DAAM2: variants seen among roughly 807,000 people sequenced by gnomAD.
The protein encoded by DAAM2 is disheveled-associated activator of morphogenesis 2.
In DAAM2, 39 loss-of-function variants were observed where a neutral mutation model predicts 120.7. That is an observed-to-expected ratio of 0.32 (90% confidence interval 0.25 to 0.42). The LOEUF (loss-of-function observed/expected upper bound fraction) is 0.42, where lower values mean the gene tolerates loss of function less well. Among genes scored for constraint, DAAM2 ranks in the 10% least tolerant of loss-of-function variants. The pLI, the probability that DAAM2 is intolerant of heterozygous loss-of-function variation, is 1.00. For missense variants in DAAM2, 1,283 were observed against 1,401.7 expected (o/e 0.92, Z 1.35); for synonymous variants, 488 against 524.9 (o/e 0.93, Z 0.96).
Position 39,896,963 on chromosome 6 carries a change from C to A in DAAM2, c.2493C>A (p.Thr831=). ...CCAGCCTCAACAAGATCGCTGACAC[C>A]AAGTCCAGCATCGACAGGTGAGGAC... The part of the protein sequence containing the change: ...RVASLNKIAD[T]KSSIDRNISL... The change falls in exon 20 of 25, where the codon ACC becomes ACA. Residue 831 remains threonine (T), a synonymous_variant. Coordinates refer to ENST00000274867, the MANE Select transcript of DAAM2 (RefSeq NM_001201427.2). The A allele has an allele frequency of 2.5e-6, 4 of 1,610,336 alleles. No individual in the cohort carries two copies. Among genetic ancestry groups the A allele is most frequent in the Non-Finnish European group, 2.5e-6 (3 of 1,178,128 alleles).
Position 39,878,482 on chromosome 6 carries a change from T to A in DAAM2, c.1439T>A (p.Met480Lys). 1 of 1,610,826 alleles carries A rather than the reference T, an allele frequency of 6.2e-7. No individual in the cohort carries two copies. The highest frequency in any genetic ancestry group is 8.5e-7 in the Non-Finnish European group (1 of 1,178,472). The part of the protein sequence containing the change: ...ETKTLEKEEM[M>K]RTLNKMKDKL... ...AAGACATTGGAGAAGGAAGAGATGA[T>A]GCGGACGCTGAACAAAATGAAGGAC... is the stretch of plus-strand genomic sequence containing the variant. Residue 480 changes from methionine (M) to lysine (K), a missense_variant, in exon 13 of 25, where the codon ATG becomes AAG. Physicochemically the swap from Met to Lys is moderately conservative, Grantham distance 95 (BLOSUM62 -1). This residue lies in a region of DAAM2 where 338 missense variants were observed against 443.9 expected (regional missense o/e 0.76). Coordinates refer to ENST00000274867, the MANE Select transcript of DAAM2 (RefSeq NM_001201427.2). This position sits in a 1 kb window ranked among gnomAD's most constrained non-coding sequence, Gnocchi z 5.0.
intron 3 of DAAM2, chr6:39,862,737 G>A (rs1764261101): frequency 7.1e-6 from 1 of 141,530 alleles, no homozygotes; most frequent in Non-Finnish European, 1.5e-5. Context: ...CCTGGGAGGT[G>A]GAGATTGTGG....
intron 5 of DAAM2, among the ~76,000 whole-genome samples, chr6:39,867,114 G>A (rs1313873052): frequency 2.0e-5 from 3 of 152,148 alleles, no homozygotes; most frequent in Admixed American, 6.5e-5. Context: ...TAGGCTTAAC[G>A]CCATGACTTG....
At chr6:39,865,169 C>A in intron 5 of DAAM2, 95 bp downstream of exon 5, 1 of 761,322 alleles carries the variant, frequency 1.3e-6, no homozygotes, top group Non-Finnish European at 2.3e-6. Flanking sequence ...GCTCCCATGC[C>A]GGTCCTCCTG....
chr6:39,889,306 A>G (rs931040774), intron 17 of DAAM2, among the ~76,000 whole-genome samples: 2 of 152,234 alleles, frequency 1.3e-5, no homozygotes, highest in African/African-American at 4.8e-5. Flanking sequence ...CAAATAGACA[A>G]TAAGAATATG....
At chr6:39,823,411 C>A (rs1178877374) in intron 1 of DAAM2, among the ~76,000 whole-genome samples, 3 of 152,108 alleles carry the variant, frequency 2.0e-5, no homozygotes, top group African/African-American at 7.2e-5. Flanking sequence ...TGGACCTAGG[C>A]CAGAGACTCA....
intron 1 of DAAM2, among the ~76,000 whole-genome samples, chr6:39,844,775 C>T (rs1763495866): frequency 6.6e-6 from 1 of 152,074 alleles, no homozygotes. Flanking sequence ...GTTTCCTCTG[C>T]TCATATACTT....
In DAAM2 at chr6:39,879,639, G is replaced by A. The variant is rs1392649639; in HGVS notation, c.1845+162G>A. On this transcript the variant is annotated intron_variant, in intron 14 of 24. Coordinates refer to ENST00000274867, the MANE Select transcript of DAAM2 (RefSeq NM_001201427.2). ...GTACAAAGTGGGTTTGCTGTGCCAG[G>A]CAGCTCACGGTCAGAACACCTACCC... 3 of 883,924 alleles carry A rather than the reference G, an allele frequency of 3.4e-6. No individual in the cohort carries two copies. The South Asian group carries it at 4.3e-5, about 13-fold the overall frequency. The allele number at this position is 883,924 out of a possible 1,614,324, so 54.8% of individuals were successfully genotyped here.
At chr6:39,884,152 C>CTTCCTTTCCT in intron 15 of DAAM2, 83 bp downstream of exon 15, 1 of 734,158 alleles carries the variant, frequency 1.4e-6, no homozygotes, top group East Asian at 2.7e-5. Flanking sequence ...GCCTGCCTGC[C>CTTCCTTTCCT]TTCCTTTCCT....
At chr6:39,865,695 T>C (rs2504092) in intron 5 of DAAM2, among the ~76,000 whole-genome samples, 94,689 of 152,138 alleles carry the variant, frequency 0.62, 29,715 homozygotes, top group Middle Eastern at 0.7. Context: ...TGGCGAATGC[T>C]GAGTGTCAAA....
chr6:39,828,588 G>C (rs1762765504), intron 1 of DAAM2, among the ~76,000 whole-genome samples: 1 of 80,492 alleles, frequency 1.2e-5, no homozygotes, highest in African/African-American at 6.5e-5. Flanking sequence ...TTTTGAGACG[G>C]ATTCTTGCTC....
intron 23 of DAAM2, among the ~76,000 whole-genome samples, chr6:39,900,416 GTTAAGTGTT>G (rs760916798): frequency 1.3e-5 from 2 of 152,220 alleles, no homozygotes; most frequent in African/African-American, 2.4e-5. Flanking sequence ...CAGGCACCAT[GTTAAGTGTT>G]TTAATGATTT....
At chr6:39,897,080 A>ATC (rs966547691) in intron 20 of DAAM2, 95 bp from the exon 21 acceptor site, 22 of 1,518,366 alleles carry the variant, frequency 1.4e-5, no homozygotes, top group Non-Finnish European at 1.5e-5. Context: ...CCTAAGACTC[A>ATC]TCACCCCTTT....
At chr6:39,843,754 G>A (rs1450913166) in intron 1 of DAAM2, among the ~76,000 whole-genome samples, 1 of 152,204 alleles carries the variant, frequency 6.6e-6, no homozygotes. Context: ...GTGAGACGAT[G>A]GGGCCCAATT....
In DAAM2 at chr6:39,811,955, T is replaced by TGTGAAA. The variant is rs1201752864; in HGVS notation, c.-57+19494_-57+19495insAAGTGA. ...GGATGCAGGGCCCCTGTAGACCCTC[T>TGTGAAA]GTGATTTCATTCTGGTGACCTGGAA... is the stretch of plus-strand genomic sequence containing the variant. On this transcript the variant is annotated intron_variant, in intron 1 of 24. Transcript: ENST00000274867. Among the ~76,000 whole-genome samples the TGTGAAA allele has an allele frequency of 3.9e-5, 6 of 152,302 alleles. No homozygotes were observed. The East Asian group carries it at 1.2e-3, about 29-fold the overall frequency.
intron 22 of DAAM2, among the ~76,000 whole-genome samples, chr6:39,899,392 G>A (rs114826950): frequency 2.6e-5 from 4 of 152,128 alleles, no homozygotes; most frequent in African/African-American, 9.7e-5. Context: ...ATGGCTTCTC[G>A]GCTGATACTA....
chr6:39,811,899 C>T (rs1189598276), intron 1 of DAAM2, among the ~76,000 whole-genome samples: 1 of 152,142 alleles, frequency 6.6e-6, no homozygotes, highest in Non-Finnish European at 1.5e-5. Context: ...AAGCCAGTCC[C>T]CTTCCTGATA....
At position 39,858,273 on chromosome 6, in the gene DAAM2, C is replaced by T. The variant is rs141940161; in HGVS notation, c.168+1803C>T. Among the ~76,000 whole-genome samples, 86 of 152,276 alleles carry T rather than the reference C, an allele frequency of 5.6e-4. No individual in the cohort carries two copies. The Middle Eastern group carries it at 0.01, about 18-fold the overall frequency. On this transcript the variant is annotated intron_variant, in intron 2 of 24. Transcript: ENST00000274867. ...TCTGATCTGCTTTTCTAAAAGACCA[C>T]GCAAGGTGCTCTGCTAAAGAAGGGT...
chr6:39,866,993 A>G (rs1434405100), intron 5 of DAAM2, among the ~76,000 whole-genome samples: 1 of 152,260 alleles, frequency 6.6e-6, no homozygotes, highest in Non-Finnish European at 1.5e-5. Flanking sequence ...AGCAGAACAC[A>G]GACTCCAAAT....
Sources: allele counts gnomAD v4.1 joint callset (sites outside exome capture counted in the v4.1 genomes callset), GRCh38; gene constraint gnomAD v4.1.1; regional missense constraint gnomAD v4.1.1; non-coding constraint Gnocchi (gnomAD v3.1); transcripts MANE v1.5; gene names NCBI Gene and HGNC (gene_info 2026-07-23, HGNC 2026-07-21).